MLLT3: variants seen among roughly 807,000 people sequenced by gnomAD.
MLLT3 encodes protein AF-9.
A neutral mutation model predicts 53.2 loss-of-function variants in MLLT3; 4 were observed. That is an observed-to-expected ratio of 0.08 (90% CI 0.04 to 0.17). The LOEUF (loss-of-function observed/expected upper bound fraction) is 0.17. Ranked by LOEUF, MLLT3 falls within the 10% of genes least tolerant of loss-of-function variation. MLLT3 has a pLI of 1.00. For missense variants in MLLT3, 569 were observed against 684.0 expected, an observed-to-expected ratio of 0.83 and a Z score of 1.87; for synonymous variants, 283 against 230.6, an observed-to-expected ratio of 1.23 and a Z score of -2.06.
rs1041103100 is a variant in MLLT3 at position 20,342,907 on chromosome 9, G to A, written c.*3536C>T. The A allele has an allele frequency of 1.6e-5, 3 of 184,728 alleles. No individual in the cohort carries two copies. Among genetic ancestry groups the A allele is most frequent in the Non-Finnish European group, 3.4e-5 (3 of 88,538 alleles). 11.4% of individuals were successfully genotyped at this position (184,728 alleles called of 1,614,324 possible). ...ATTAGTACACAAAACGCTAAAGGTG[G>A]AAAGTAATAAGCATACAGCAAATTA... is the stretch of plus-strand genomic sequence containing the variant. On this transcript the variant is annotated 3_prime_UTR_variant, in exon 11 of 11. Coordinates refer to ENST00000380338, the MANE Select transcript of MLLT3 (RefSeq NM_004529.4).
chr9:20,579,498 G>C (rs1303772858), intron 2 of MLLT3, among the ~76,000 whole-genome samples: 1 of 151,884 alleles, frequency 6.6e-6, no homozygotes, highest in Non-Finnish European at 1.5e-5. Context: ...CCCATGAGAA[G>C]ACTTTTTTAA....
intron 2 of MLLT3, among the ~76,000 whole-genome samples, chr9:20,566,953 A>G (rs991442238): frequency 2.0e-5 from 3 of 152,140 alleles, no homozygotes; most frequent in African/African-American, 7.2e-5. Flanking sequence ...GAGATCCATT[A>G]GGATTCTGCT....
At chr9:20,502,092 A>AGGGG (rs1563789832) in intron 2 of MLLT3, among the ~76,000 whole-genome samples, 3 of 114,524 alleles carry the variant, frequency 2.6e-5, no homozygotes, top group African/African-American at 5.8e-5. Context: ...AAAAAAAAAA[A>AGGGG]AGGGGGGGGG....
chr9:20,525,116 GAAGA>G (rs1049554148), intron 2 of MLLT3, among the ~76,000 whole-genome samples: 18 of 85,454 alleles, frequency 2.1e-4, no homozygotes, highest in African/African-American at 8.9e-4. Flanking sequence ...GTAGAATTAA[GAAGA>G]AAGACTAAAA....
At chr9:20,477,147 A>G (rs1824541018) in intron 2 of MLLT3, among the ~76,000 whole-genome samples, 1 of 152,072 alleles carries the variant, frequency 6.6e-6, no homozygotes. Context: ...TCTTGGACTT[A>G]GACCCTATTT....
At position 20,414,256 on chromosome 9, in the gene MLLT3, T is replaced by C. The variant is rs1174792757; in HGVS notation, c.590A>G (p.His197Arg). 6.2e-7 allele frequency: 1 copy of C among 1,612,456 alleles called. No homozygotes were observed. Among genetic ancestry groups the C allele is most frequent in the South Asian group, 1.1e-5 (1 of 90,814 alleles). The change falls in exon 5 of 11, where the codon CAC (histidine) becomes CGC (arginine). Residue 197 changes from histidine to arginine, a missense_variant. Transcript: ENST00000380338. ...SSSSTSFSKP[H>R]KLMKEHKEKP... ...TTCCTTGTGCTCCTTCATTAATTTG[T>C]GAGGCTTTGAAAAACTGGTACTACT...
At chr9:20,396,279 G>A (rs1822319707) in intron 5 of MLLT3, among the ~76,000 whole-genome samples, 1 of 151,702 alleles carries the variant, frequency 6.6e-6, no homozygotes, top group African/African-American at 2.4e-5. Flanking sequence ...ATGGAAAGAA[G>A]GAAAGAGGGA....
chr9:20,459,183 A>G (rs1384279326), intron 2 of MLLT3, among the ~76,000 whole-genome samples: 57 of 152,198 alleles, frequency 3.7e-4, no homozygotes, highest in Admixed American at 3.7e-3. Flanking sequence ...ACAAGCAGAA[A>G]TATGGTTACA....
chr9:20,394,213 G>C (rs895130205), intron 5 of MLLT3, among the ~76,000 whole-genome samples: 5 of 152,104 alleles, frequency 3.3e-5, no homozygotes, highest in Non-Finnish European at 5.9e-5. Context: ...GTCCAGGGTT[G>C]GGGGGAGCAT....
At chr9:20,369,478 G>A (rs1166822188) in intron 5 of MLLT3, among the ~76,000 whole-genome samples, 1 of 152,156 alleles carries the variant, frequency 6.6e-6, no homozygotes, top group Admixed American at 6.5e-5. Context: ...GAACGCAATT[G>A]CCACTTAATG....
At chr9:20,617,508 G>A (rs1283085811) in intron 2 of MLLT3, among the ~76,000 whole-genome samples, 1 of 152,114 alleles carries the variant, frequency 6.6e-6, no homozygotes, top group East Asian at 1.9e-4. Flanking sequence ...AAGGATGGCT[G>A]TAACTGGAAA....
At chr9:20,611,476 G>T (rs1229380133) in intron 2 of MLLT3, among the ~76,000 whole-genome samples, 1 of 151,672 alleles carries the variant, frequency 6.6e-6, no homozygotes, top group Non-Finnish European at 1.5e-5. Context: ...ATTTCTACTG[G>T]AAAGGAACAA....
chr9:20,540,282 G>C (rs111898063), intron 2 of MLLT3, among the ~76,000 whole-genome samples: 4,332 of 152,302 alleles, frequency 0.028, 226 homozygotes, highest in African/African-American at 0.098. Flanking sequence ...CCACTAGGCA[G>C]TGCCCCAGTG....
intron 4 of MLLT3, among the ~76,000 whole-genome samples, chr9:20,441,760 C>T (rs1313602879): frequency 6.6e-6 from 1 of 152,032 alleles, no homozygotes; most frequent in Admixed American, 6.6e-5. Context: ...AATGAAGCTG[C>T]CCAGTGACAG....
chr9:20,572,447 A>C (rs1449196234), intron 2 of MLLT3, among the ~76,000 whole-genome samples: 2 of 152,186 alleles, frequency 1.3e-5, no homozygotes, highest in East Asian at 3.8e-4. Context: ...AAGCTCTCAA[A>C]ATATCACATT....
intron 2 of MLLT3, among the ~76,000 whole-genome samples, chr9:20,593,122 A>G (rs1456185252): frequency 6.6e-6 from 1 of 152,206 alleles, no homozygotes; most frequent in African/African-American, 2.4e-5. Flanking sequence ...CTGAGATAGC[A>G]TGACTCTTCA....
In MLLT3 at chr9:20,478,673, T is replaced by G. The variant is rs952892714; in HGVS notation, c.194-21887A>C. On this transcript the variant is annotated intron_variant, in intron 2 of 10. Coordinates refer to ENST00000380338, the MANE Select transcript of MLLT3 (RefSeq NM_004529.4). ...AAAGAGCACAGGACCGTGAATAAGATGACCTGGTTTAAATTCTAAATCCAC... is the reference window on the plus strand; with the variant it reads ...AAAGAGCACAGGACCGTGAATAAGAGGACCTGGTTTAAATTCTAAATCCAC... Among the ~76,000 whole-genome samples, 3 of 152,188 alleles carry G rather than the reference T, an allele frequency of 2.0e-5. No homozygotes were observed. The East Asian group carries it at 5.8e-4, about 29-fold the overall frequency.
intron 5 of MLLT3, among the ~76,000 whole-genome samples, chr9:20,369,404 G>C (rs182184968): frequency 7.9e-5 from 12 of 152,218 alleles, no homozygotes; most frequent in Middle Eastern, 3.4e-3. Flanking sequence ...ATTTAAGAAA[G>C]CATGACTATA....
At chr9:20,352,260 G>A (rs562602065) in intron 10 of MLLT3, among the ~76,000 whole-genome samples, 2 of 152,252 alleles carry the variant, frequency 1.3e-5, no homozygotes, top group East Asian at 3.9e-4. Flanking sequence ...TCACTATTTG[G>A]GCCCAGCTTG....
Sources: gnomAD v4.1 joint callset for allele counts (sites outside exome capture counted in the v4.1 genomes callset) on GRCh38, gnomAD v4.1.1 for gene constraint, MANE v1.5 for transcripts, NCBI Gene and HGNC (gene_info 2026-07-23, HGNC 2026-07-21) for gene names.